The following EHBP1 variants were observed in gnomAD, a reference collection of about 807,000 sequenced individuals.
The protein encoded by EHBP1 is EH domain binding protein 1, also known as EH domain-binding protein 1.
Under a neutral mutation model 144.0 loss-of-function variants are expected in EHBP1, and 55 were observed. The observed-to-expected ratio is 0.38, with a 90% CI of 0.31 to 0.48. The LOEUF (loss-of-function observed/expected upper bound fraction) is 0.48. Among genes scored for constraint, EHBP1 ranks in the 20% least tolerant of loss-of-function variants. EHBP1 has a pLI of 0.98. For synonymous variants in EHBP1, 469 were observed against 472.7 expected (o/e 0.99, Z 0.10); for missense variants, 1,200 against 1,364.2 (o/e 0.88, Z 1.90).
At chr2:62,737,560 A>G (rs2038270025) in intron 2 of EHBP1, among the ~76,000 whole-genome samples, 2 of 152,122 alleles carry the variant, frequency 1.3e-5, no homozygotes, top group Non-Finnish European at 2.9e-5. Flanking sequence ...CTGCGACCTC[A>G]TTTCTGTTAT....
intron 5 of EHBP1, among the ~76,000 whole-genome samples, chr2:62,799,980 C>T (rs2043855713): frequency 6.6e-6 from 1 of 152,188 alleles, no homozygotes; most frequent in South Asian, 2.1e-4. Context: ...ATTAAAAGTA[C>T]TCGTGGTAGA....
At chr2:62,863,200 G>A (rs982385570) in intron 8 of EHBP1, among the ~76,000 whole-genome samples, 9 of 152,082 alleles carry the variant, frequency 5.9e-5, no homozygotes, top group Non-Finnish European at 1.0e-4. Context: ...GGAGAAATTC[G>A]CTTGAACTGG....
chr2:62,998,307 G>A (rs1161561755), intron 19 of EHBP1, among the ~76,000 whole-genome samples: 1 of 152,036 alleles, frequency 6.6e-6, no homozygotes, highest in Admixed American at 6.6e-5. Flanking sequence ...CCAATGTATT[G>A]TTTTATATTT....
intron 5 of EHBP1, among the ~76,000 whole-genome samples, chr2:62,807,648 T>C (rs1222718444): frequency 6.6e-6 from 1 of 152,222 alleles, no homozygotes; most frequent in Non-Finnish European, 1.5e-5. Flanking sequence ...AACCTGTTAT[T>C]TTTTTCTTCT....
In EHBP1 at chr2:62,852,505, A is replaced by C. The variant is rs1249867127; in HGVS notation, c.635-6664A>C. 3.3e-5 allele frequency among the ~76,000 whole-genome samples: 5 copies of C among 152,182 alleles called. No homozygotes were observed. The South Asian group carries it at 1.0e-3, about 32-fold the overall frequency. The stretch of plus-strand genomic sequence containing the variant: ...AATAAATAATACTAATATACATGAT[A>C]AAATGTGAATAATAATTCTTTTTTG... On this transcript the variant is annotated intron_variant, in intron 7 of 22. Transcript: ENST00000431489.
intron 2 of EHBP1, among the ~76,000 whole-genome samples, chr2:62,737,048 TGTG>T (rs910254619): frequency 6.6e-6 from 1 of 152,166 alleles, no homozygotes; most frequent in African/African-American, 2.4e-5. Flanking sequence ...GCCTCTGGAC[TGTG>T]AACTGTAGAA....
chr2:63,044,189 A>G (rs1186380807), intron 21 of EHBP1: 8 of 145,632 alleles, frequency 5.5e-5, no homozygotes, highest in Admixed American at 1.4e-4. Context: ...ATTAAATGAA[A>G]CTGCTGCTCA....
intron 19 of EHBP1, among the ~76,000 whole-genome samples, chr2:62,998,556 A>G (rs1002078189): frequency 1.3e-5 from 2 of 152,156 alleles, no homozygotes; most frequent in African/African-American, 2.4e-5. Flanking sequence ...TGAAAAAGCT[A>G]TAAATCCTGT....
chr2:63,010,417 A>G (rs2060218495), intron 19 of EHBP1, among the ~76,000 whole-genome samples: 1 of 151,622 alleles, frequency 6.6e-6, no homozygotes, highest in Non-Finnish European at 1.5e-5. Flanking sequence ...GAAACCATCT[A>G]GATTTTTAAA....
At chr2:63,031,012 G>A (rs2061224650) in intron 19 of EHBP1, among the ~76,000 whole-genome samples, 1 of 151,658 alleles carries the variant, frequency 6.6e-6, no homozygotes, top group South Asian at 2.1e-4. Flanking sequence ...GGCCAGCCTA[G>A]TCTCGAACTC....
At chr2:62,904,397 A>G (rs947029896) in intron 10 of EHBP1, among the ~76,000 whole-genome samples, 6 of 152,150 alleles carry the variant, frequency 3.9e-5, no homozygotes, top group Non-Finnish European at 7.4e-5. Flanking sequence ...AACACTCATC[A>G]TAGTTTACAG....
chr2:62,829,309 T>C (rs1369205390), intron 6 of EHBP1, among the ~76,000 whole-genome samples: 1 of 152,008 alleles, frequency 6.6e-6, no homozygotes, highest in East Asian at 1.9e-4. Context: ...CACCCATCTC[T>C]TGAGCAGTGT....
chr2:62,813,370 G>T (rs1339829251), intron 5 of EHBP1, among the ~76,000 whole-genome samples: 1 of 152,230 alleles, frequency 6.6e-6, no homozygotes, highest in Non-Finnish European at 1.5e-5. Context: ...GTCATGGATA[G>T]CCTGGGGGCC....
At chr2:63,032,247 TAAATA>T (rs1379899790) in intron 19 of EHBP1, among the ~76,000 whole-genome samples, 3 of 136,850 alleles carry the variant, frequency 2.2e-5, no homozygotes, top group African/African-American at 5.4e-5. Context: ...AAAAAATAAA[TAAATA>T]AAATGATTTA....
At chr2:62,709,550 T>A (rs965654163) in intron 2 of EHBP1, among the ~76,000 whole-genome samples, 2 of 152,196 alleles carry the variant, frequency 1.3e-5, no homozygotes, top group African/African-American at 2.4e-5. Flanking sequence ...TATTAATTTT[T>A]AAATAACAAT....
chr2:63,014,927 G>A (rs1264692544), intron 19 of EHBP1, among the ~76,000 whole-genome samples: 8 of 152,088 alleles, frequency 5.3e-5, no homozygotes, highest in East Asian at 1.9e-4. Context: ...ACAGTGAGCC[G>A]AGATCACGCC....
intron 1 of EHBP1, among the ~76,000 whole-genome samples, chr2:62,698,583 G>A (rs950630698): frequency 6.6e-6 from 1 of 152,194 alleles, no homozygotes; most frequent in African/African-American, 2.4e-5. Context: ...AGAGATCAAT[G>A]ATGCATTATT....
chr2:62,997,564 A>G (rs898399437), intron 19 of EHBP1, among the ~76,000 whole-genome samples: 3 of 152,036 alleles, frequency 2.0e-5, no homozygotes, highest in African/African-American at 4.8e-5. Flanking sequence ...AAAAAAAGTC[A>G]AAAAATACAA....
chr2:62,684,016 T>A (rs747156052), intron 1 of EHBP1, among the ~76,000 whole-genome samples: 1 of 152,206 alleles, frequency 6.6e-6, no homozygotes, highest in Non-Finnish European at 1.5e-5. Flanking sequence ...GAAGATCCCA[T>A]GTTCTCAGAG....
Sources: gnomAD v4.1 joint callset for allele counts (sites outside exome capture counted in the v4.1 genomes callset) on GRCh38, gnomAD v4.1.1 for gene constraint, MANE v1.5 for transcripts, NCBI Gene and HGNC (gene_info 2026-07-23, HGNC 2026-07-21) for gene names.